GALNT11: variants seen among roughly 807,000 people sequenced by gnomAD.
The protein encoded by GALNT11 is UDP-GalNAc:polypeptide N-acetylgalactosaminyltransferase 11.
Under a neutral mutation model 72.7 loss-of-function variants are expected in GALNT11, and 47 were observed. The observed-to-expected ratio is 0.65, with a 90% CI of 0.51 to 0.82. The LOEUF (loss-of-function observed/expected upper bound fraction) is 0.82, where lower values mean the gene tolerates loss of function less well. Among genes scored for constraint, GALNT11 ranks in the 40% least tolerant of loss-of-function variants. The pLI, the probability that GALNT11 is intolerant of heterozygous loss-of-function variation, is 0.00. For synonymous variants in GALNT11, 270 were observed against 286.6 expected, an observed-to-expected ratio of 0.94 and a Z score of 0.58; for missense variants, 677 against 778.4, an observed-to-expected ratio of 0.87 and a Z score of 1.55.
chr7:152,052,086 T>TA (rs1024190765), intron 1 of GALNT11, among the ~76,000 whole-genome samples: 10 of 152,342 alleles, frequency 6.6e-5, no homozygotes, highest in African/African-American at 2.4e-4. Context: ...GTATTCTAGA[T>TA]ACCTCATATA....
At chr7:152,060,183 T>G (rs1023095934) in intron 1 of GALNT11, among the ~76,000 whole-genome samples, 3 of 152,230 alleles carry the variant, frequency 2.0e-5, no homozygotes, top group Non-Finnish European at 4.4e-5. Flanking sequence ...GCAGCTTCCT[T>G]ACTTTTCTCA....
chr7:152,079,670 G>A (rs1301592184), intron 1 of GALNT11, among the ~76,000 whole-genome samples: 3 of 152,210 alleles, frequency 2.0e-5, no homozygotes, highest in Non-Finnish European at 4.4e-5. Context: ...CGCCTTATGT[G>A]TAATTATAAA....
At chr7:152,109,503 G>A (rs1180332612) in intron 6 of GALNT11, among the ~76,000 whole-genome samples, 2 of 152,164 alleles carry the variant, frequency 1.3e-5, no homozygotes, top group Non-Finnish European at 2.9e-5. Flanking sequence ...CTTTTTTGAA[G>A]TAACTAATTT....
rs183718848 is a variant in GALNT11 at position 152,077,333 on chromosome 7, G to A, written c.-38-16857G>A. On this transcript the variant is annotated intron_variant, in intron 1 of 11. Coordinates refer to ENST00000430044, the MANE Select transcript of GALNT11 (RefSeq NM_022087.4). Reference sequence around the variant, plus strand: ...TGGGAGATGATAGAAAACCAGAGACGTGAGCCTCTGACCCAGGGCCGCTTT... The same window carrying A: ...TGGGAGATGATAGAAAACCAGAGACATGAGCCTCTGACCCAGGGCCGCTTT... Among the ~76,000 whole-genome samples the A allele has an allele frequency of 1.7e-4, 26 of 152,298 alleles. No individual in the cohort carries two copies. In the East Asian group the frequency reaches 4.4e-3, roughly 26 times the overall value.
At chr7:152,072,551 AT>A (rs1223063737) in intron 1 of GALNT11, among the ~76,000 whole-genome samples, 1 of 152,190 alleles carries the variant, frequency 6.6e-6, no homozygotes, top group Non-Finnish European at 1.5e-5. Context: ...CACATAATAC[AT>A]TTTGTGTCCT....
intron 1 of GALNT11, among the ~76,000 whole-genome samples, chr7:152,036,394 A>G (rs1425772225): frequency 6.6e-6 from 1 of 152,172 alleles, no homozygotes; most frequent in Non-Finnish European, 1.5e-5. Flanking sequence ...CTCCAGTTCT[A>G]TCCCTGTTGT....
chr7:152,049,598 T>A (rs1467949909), intron 1 of GALNT11, among the ~76,000 whole-genome samples: 4 of 152,060 alleles, frequency 2.6e-5, no homozygotes, highest in African/African-American at 9.7e-5. Context: ...CAACACCAGG[T>A]CTCAACCAAG....
chr7:152,115,246 G>A (rs754249866), intron 8 of GALNT11, among the ~76,000 whole-genome samples: 12 of 152,166 alleles, frequency 7.9e-5, no homozygotes, highest in Non-Finnish European at 1.8e-4. Context: ...TGACCGTGTT[G>A]ACATTGCACT....
intron 1 of GALNT11, among the ~76,000 whole-genome samples, chr7:152,076,877 T>C (rs1234846554): frequency 6.6e-6 from 1 of 152,234 alleles, no homozygotes; most frequent in Admixed American, 6.5e-5. Context: ...GGTGGTAGAT[T>C]CTCAGAAATT....
chr7:152,025,893 C>A lies in GALNT11; in HGVS notation c.-39+9C>A. The A allele has an allele frequency of 4.0e-6, 1 of 249,358 alleles. No individual in the cohort carries two copies. The highest frequency in any genetic ancestry group is 3.5e-5 in the South Asian group (1 of 28,718). 15.4% of individuals were successfully genotyped at this position (249,358 alleles called of 1,614,324 possible). A position where few individuals can be genotyped will look rare whatever the true frequency, so the allele number is the denominator to read the frequency against. ...GGGCTGCGGGCAAGGCGGTGAGTAC[C>A]CTCTAGGCGGCGGCCTCCCGGCGTC... On this transcript the variant is annotated intron_variant, in intron 1 of 11. Coordinates refer to ENST00000430044, the MANE Select transcript of GALNT11 (RefSeq NM_022087.4).
chr7:152,032,262 C>T (rs1240527468), intron 1 of GALNT11, among the ~76,000 whole-genome samples: 6 of 152,134 alleles, frequency 3.9e-5, no homozygotes, highest in South Asian at 2.1e-4. Flanking sequence ...TGGGGCAAGA[C>T]GGTCCATATA....
At chr7:152,057,178 G>A (rs1468784648) in intron 1 of GALNT11, among the ~76,000 whole-genome samples, 1 of 151,600 alleles carries the variant, frequency 6.6e-6, no homozygotes, top group Non-Finnish European at 1.5e-5. Flanking sequence ...TTTTTAAAAA[G>A]CATATCATGG....
At chr7:152,027,845 C>G (rs1208377213) in intron 1 of GALNT11, 1 of 159,224 alleles carries the variant, frequency 6.3e-6, no homozygotes, top group Non-Finnish European at 1.4e-5. Flanking sequence ...AGCCGCAGAC[C>G]TTTGCAGTGA....
chr7:152,074,519 T>C (rs1004143713), intron 1 of GALNT11: 1 of 152,222 alleles, frequency 6.6e-6, no homozygotes, highest in Non-Finnish European at 1.5e-5. Context: ...GCCAGTACCA[T>C]GTTGTTTCCA....
chr7:152,118,978 G>A, intron 10 of GALNT11, 196 bp downstream of exon 10: 1 of 395,356 alleles, frequency 2.5e-6, no homozygotes, highest in Non-Finnish European at 4.4e-6. Context: ...GTCACCGCCA[G>A]GGTCTGATTT....
At chr7:152,052,127 G>A (rs780418349) in intron 1 of GALNT11, among the ~76,000 whole-genome samples, 2 of 152,004 alleles carry the variant, frequency 1.3e-5, no homozygotes, top group Non-Finnish European at 2.9e-5. Context: ...ATCCTGTTGT[G>A]TCTGATTTAT....
chr7:152,094,457 A>G lies in GALNT11; in HGVS notation c.230A>G (p.Asp77Gly), dbSNP rs923952158. 5 of 1,614,114 alleles carry G rather than the reference A, an allele frequency of 3.1e-6. No homozygotes were observed. Among genetic ancestry groups the G allele is most frequent in the Non-Finnish European group, 4.2e-6 (5 of 1,180,018 alleles). Residue 77 changes from aspartate to glycine, a missense_variant, in exon 2 of 12, where the codon GAC becomes GGC. Asp to Gly is a moderately conservative substitution (Grantham distance 94). Coordinates refer to ENST00000430044, the MANE Select transcript of GALNT11 (RefSeq NM_022087.4). The surrounding 1 kb of genome is among the most constrained non-coding windows in gnomAD (Gnocchi z 4.3). ...CCACAGTTCAAAGCAAACAAAATTG[A>G]CGATGTGATAGACAGTCGTGTTGAA... ...LEPQFKANKIDDVIDSRVEDP... is the reference protein window; with the variant it reads ...LEPQFKANKIGDVIDSRVEDP...
At position 152,121,542 on chromosome 7, in the gene GALNT11, TCAGAAAAACA is replaced by T; in HGVS notation, c.1696-3_1702del. ...GTATTTTTTTGTTGCTACCTTTTTT[TCAGAAAAACA>T]ATCGGCTATACCAGGTGTCGGTTGG... On this transcript the variant is annotated splice_acceptor_variant and splice_polypyrimidine_tract_variant and coding_sequence_variant and intron_variant, in exon 12 of 12. Transcript: ENST00000430044. LOFTEE classifies it high-confidence loss of function. 1 of 1,601,098 alleles carries T rather than the reference TCAGAAAAACA, an allele frequency of 6.2e-7. No individual in the cohort carries two copies. Among genetic ancestry groups the T allele is most frequent in the Admixed American group, 1.8e-5 (1 of 57,108 alleles).
intron 4 of GALNT11, 118 bp downstream of exon 4, chr7:152,103,396 T>C: frequency 9.8e-7 from 1 of 1,016,574 alleles, no homozygotes; most frequent in Non-Finnish European, 1.4e-6. Flanking sequence ...ACACGTGCAG[T>C]CACAGCTGGG....
Sources: allele counts gnomAD v4.1 joint callset (sites outside exome capture counted in the v4.1 genomes callset), GRCh38; gene constraint gnomAD v4.1.1; non-coding constraint Gnocchi (gnomAD v3.1); transcripts MANE v1.5; gene names NCBI Gene and HGNC (gene_info 2026-07-23, HGNC 2026-07-21).